SNAP23: variants seen among roughly 807,000 people sequenced by gnomAD.
SNAP23 encodes synaptosomal-associated protein 23.
Under a neutral mutation model 29.0 loss-of-function variants are expected in SNAP23, and 11 were observed. That is an observed-to-expected ratio of 0.38 (90% CI 0.24 to 0.63). The LOEUF is 0.63. Among genes scored for constraint, SNAP23 ranks in the 20% least tolerant of loss-of-function variants. The pLI, the probability that SNAP23 is intolerant of heterozygous loss-of-function variation, is 0.58. For synonymous variants in SNAP23, 60 were observed against 82.9 expected (o/e 0.72, Z 1.50); for missense variants, 220 against 253.9 (o/e 0.87, Z 0.91).
At chr15:42,521,682 T>G in intron 5 of SNAP23, 1 of 1,159,172 alleles carries the variant, frequency 8.6e-7, no homozygotes. Flanking sequence ...TGTGGCGCAG[T>G]TTGGGCTGCT....
intron 5 of SNAP23, among the ~76,000 whole-genome samples, chr15:42,527,060 ACTC>A (rs1197751513): frequency 6.6e-6 from 1 of 150,790 alleles, no homozygotes; most frequent in Non-Finnish European, 1.5e-5. Context: ...CTGGTCTTGA[ACTC>A]CTGACCTCAG....
At chr15:42,521,569 T>C in intron 5 of SNAP23, 1 of 1,523,560 alleles carries the variant, frequency 6.6e-7, no homozygotes, top group African/African-American at 1.4e-5. Flanking sequence ...CATTTCATTC[T>C]CTCACCTAAT....
At position 42,519,797 on chromosome 15, in the gene SNAP23, G is replaced by A. The variant is rs543712966; in HGVS notation, c.266+4443G>A. ...GTATTACAGAAATGAGCCACCACAC[G>A]CAACGTCACTACAGAAATATTAATG... On this transcript the variant is annotated intron_variant, in intron 5 of 7. Transcript: ENST00000249647. 4.0e-5 allele frequency among the ~76,000 whole-genome samples: 6 copies of A among 151,704 alleles called. 1 individual carries two copies. The South Asian group carries it at 1.0e-3, about 26-fold the overall frequency.
chr15:42,514,248 C>G (rs904855756), intron 4 of SNAP23, among the ~76,000 whole-genome samples: 1 of 152,040 alleles, frequency 6.6e-6, no homozygotes, highest in East Asian at 1.9e-4. Flanking sequence ...TCAAGTGATT[C>G]TCCTGGCTCA....
chr15:42,508,372 A>G lies in SNAP23; in HGVS notation c.-14-3461A>G, dbSNP rs546967038. 6.6e-5 allele frequency among the ~76,000 whole-genome samples: 10 copies of G among 152,286 alleles called. No individual in the cohort carries two copies. In the South Asian group the frequency reaches 1.0e-3, roughly 16 times the overall value. On this transcript the variant is annotated intron_variant, in intron 1 of 7. Transcript: ENST00000249647. ...TATATCTGCAGGTTCCTCAGGGCCA[A>G]TTGGTATCCACAGGCAGTACTGAAT...
At position 42,531,717 on chromosome 15, in the gene SNAP23, T is replaced by G; in HGVS notation, c.*239T>G. 2 of 362,072 alleles carry G rather than the reference T, an allele frequency of 5.5e-6. No homozygotes were observed. The highest frequency in any genetic ancestry group is 9.9e-6 in the Non-Finnish European group (2 of 202,080). The allele number at this position is 362,072 out of a possible 1,614,324, so 22.4% of individuals were successfully genotyped here. On this transcript the variant is annotated 3_prime_UTR_variant, in exon 8 of 8. Coordinates refer to ENST00000249647, the MANE Select transcript of SNAP23 (RefSeq NM_003825.4). ...TCATACGCTTAGATTGGTTTTCATA[T>G]GTCATGTTTAGTGTTTTCATCCTCC...
At chr15:42,520,684 C>T (rs761744529) in intron 5 of SNAP23, among the ~76,000 whole-genome samples, 9 of 151,614 alleles carry the variant, frequency 5.9e-5, no homozygotes, top group Non-Finnish European at 7.4e-5. Context: ...TTAGTAGAGA[C>T]GGGGTTTCAC....
intron 5 of SNAP23, among the ~76,000 whole-genome samples, chr15:42,520,531 G>A (rs1003679496): frequency 7.9e-5 from 12 of 151,760 alleles, no homozygotes; most frequent in South Asian, 4.2e-4. Context: ...GTCTCGCTCT[G>A]TTGCCCAGGC....
Position 42,528,488 on chromosome 15 carries a change from G to T in SNAP23, c.425+68G>T, listed in dbSNP as rs1429814979. On this transcript the variant is annotated intron_variant, in intron 6 of 7. Transcript: ENST00000249647. Reference sequence around the variant, plus strand: ...ATGGTTCACTTAGGAGATGAGTTTAGCAGTACATGACCCCTAATAAAACAA... The same window carrying T: ...ATGGTTCACTTAGGAGATGAGTTTATCAGTACATGACCCCTAATAAAACAA... 6.9e-6 allele frequency: 10 copies of T among 1,451,850 alleles called. No individual in the cohort carries two copies. The Admixed American group carries it at 8.6e-5, about 12-fold the overall frequency. The allele number at this position is 1,451,850 out of a possible 1,614,324, so 89.9% of individuals were successfully genotyped here.
At chr15:42,504,336 G>A (rs139426657) in intron 1 of SNAP23, among the ~76,000 whole-genome samples, 438 of 151,966 alleles carry the variant, frequency 2.9e-3, no homozygotes, top group African/African-American at 9.8e-3. Flanking sequence ...GCGAGACTCC[G>A]TCTCAAATAA....
At chr15:42,491,243 G>A (rs1008045863), upstream of SNAP23, 3 of 152,404 alleles carry the variant, frequency 2.0e-5, no homozygotes, top group African/African-American at 7.2e-5. Flanking sequence ...ACAGGAAGAG[G>A]TTTTTCTCAA....
intron 1 of SNAP23, among the ~76,000 whole-genome samples, chr15:42,496,204 G>A (rs1203854708): frequency 1.3e-5 from 2 of 152,120 alleles, no homozygotes; most frequent in African/African-American, 4.8e-5. Flanking sequence ...TGGAGTGGTG[G>A]GGGGAAAAAG....
At chr15:42,493,973 C>T (rs996088370), upstream of SNAP23, among the ~76,000 whole-genome samples, 3 of 152,076 alleles carry the variant, frequency 2.0e-5, no homozygotes, top group Admixed American at 1.3e-4. Flanking sequence ...ACCAGTGTTT[C>T]GAACTGCCTC....
intron 5 of SNAP23, among the ~76,000 whole-genome samples, chr15:42,524,548 C>T (rs555188401): frequency 3.3e-5 from 5 of 152,098 alleles, no homozygotes; most frequent in South Asian, 2.1e-4. Flanking sequence ...TCTAGTTGTA[C>T]GCTCCTTATG....
At chr15:42,528,502 C>A in intron 6 of SNAP23, 82 bp downstream of exon 6, 1 of 1,258,478 alleles carries the variant, frequency 7.9e-7, no homozygotes, top group Non-Finnish European at 1.1e-6. Flanking sequence ...TACATGACCC[C>A]TAATAAAACA....
At chr15:42,524,277 AC>A (rs768639254) in intron 5 of SNAP23, among the ~76,000 whole-genome samples, 213 of 152,296 alleles carry the variant, frequency 1.4e-3, no homozygotes, top group Non-Finnish European at 2.4e-3. Context: ...ATATAAAACA[AC>A]AACAAACGAT....
intron 5 of SNAP23, among the ~76,000 whole-genome samples, chr15:42,519,023 T>C (rs1341882137): frequency 1.3e-5 from 2 of 151,316 alleles, no homozygotes; most frequent in Non-Finnish European, 2.9e-5. Context: ...TCACCATGCC[T>C]GGTTTGTTTT....
At chr15:42,529,126 A>C (rs1468435226) in intron 6 of SNAP23, among the ~76,000 whole-genome samples, 5 of 152,124 alleles carry the variant, frequency 3.3e-5, no homozygotes, top group Non-Finnish European at 7.3e-5. Flanking sequence ...CAATTACTCA[A>C]CTCTGTTGTA....
At chr15:42,517,298 A>C (rs2141534398) in intron 5 of SNAP23, among the ~76,000 whole-genome samples, 1 of 152,366 alleles carries the variant, frequency 6.6e-6, no homozygotes, top group African/African-American at 2.4e-5. Context: ...TAAAATGTAC[A>C]GATTATTTGA....
Sources: allele counts gnomAD v4.1 joint callset (sites outside exome capture counted in the v4.1 genomes callset), GRCh38; gene constraint gnomAD v4.1.1; transcripts MANE v1.5; gene names NCBI Gene and HGNC (gene_info 2026-07-23, HGNC 2026-07-21).